Variants in REC114 observed in about 807,000 individuals in gnomAD.
The protein encoded by REC114 is meiotic recombination protein REC114.
A neutral mutation model predicts 31.3 loss-of-function variants in REC114; 27 were observed. The observed-to-expected ratio is 0.86, with a 90% CI of 0.64 to 1.19. The LOEUF (loss-of-function observed/expected upper bound fraction) is 1.19, where lower values mean the gene tolerates loss of function less well. REC114 is among the 50% of genes most tolerant of loss of function. The pLI, the probability that REC114 is intolerant of heterozygous loss-of-function variation, is 0.00. For synonymous variants in REC114, 134 were observed against 127.7 expected (o/e 1.05, Z -0.33); for missense variants, 344 against 326.9 (o/e 1.05, Z -0.40).
intron 1 of REC114, among the ~76,000 whole-genome samples, chr15:73,472,577 G>C (rs1893146455): frequency 6.6e-6 from 1 of 151,930 alleles, no homozygotes; most frequent in Admixed American, 6.6e-5. Flanking sequence ...TTGAACTTTG[G>C]GCATTAAGAT....
chr15:73,553,908 C>T (rs538107940), intron 4 of REC114, among the ~76,000 whole-genome samples: 1 of 152,158 alleles, frequency 6.6e-6, no homozygotes, highest in Admixed American at 6.5e-5. Context: ...AGAATCCTGG[C>T]CCTATTTCTT....
intron 1 of REC114, among the ~76,000 whole-genome samples, chr15:73,451,787 G>A (rs1413296619): frequency 3.9e-5 from 6 of 152,122 alleles, no homozygotes; most frequent in African/African-American, 9.7e-5. Context: ...TATCCACCAC[G>A]ATCAAGTCAG....
intron 2 of REC114, among the ~76,000 whole-genome samples, chr15:73,502,784 C>G (rs571420852): frequency 1.3e-5 from 2 of 152,240 alleles, no homozygotes; most frequent in East Asian, 3.9e-4. Flanking sequence ...TTGTTCAGAG[C>G]ATAAATATTT....
rs146565046 is a variant in REC114, at chr15:73,468,070, A to C, written c.160-5762A>C. ...AGGTTCACCTGGATAATTCAGGGCT[A>C]TCCCTCCAGCTCAAGATATTTTAAC... is the stretch of plus-strand genomic sequence containing the variant. On this transcript the variant is annotated intron_variant, in intron 1 of 5. Transcript: ENST00000331090. Among the ~76,000 whole-genome samples the C allele has an allele frequency of 2.6e-5, 4 of 152,322 alleles. No homozygotes were observed. The East Asian group carries it at 7.7e-4, about 29-fold the overall frequency.
intron 2 of REC114, among the ~76,000 whole-genome samples, chr15:73,520,705 A>G (rs530348190): frequency 2.0e-5 from 3 of 152,128 alleles, no homozygotes; most frequent in Non-Finnish European, 4.4e-5. Context: ...ATAGATTTGT[A>G]TGATTAACCT....
intron 2 of REC114, among the ~76,000 whole-genome samples, chr15:73,487,203 CT>C (rs948641676): frequency 6.6e-6 from 1 of 152,104 alleles, no homozygotes; most frequent in African/African-American, 2.4e-5. Context: ...AATTCCACCC[CT>C]GTTCCCAAAA....
chr15:73,466,237 TAAGTG>T (rs1343593860), intron 1 of REC114, among the ~76,000 whole-genome samples: 2 of 152,134 alleles, frequency 1.3e-5, no homozygotes, highest in African/African-American at 2.4e-5. Flanking sequence ...CATTAACTAA[TAAGTG>T]AAGTTTTTTT....
At chr15:73,458,601 T>C (rs536604089) in intron 1 of REC114, among the ~76,000 whole-genome samples, 49 of 152,330 alleles carry the variant, frequency 3.2e-4, no homozygotes, top group African/African-American at 1.1e-3. Flanking sequence ...TGTGGCACTA[T>C]AGTGATAGGT....
intron 1 of REC114, among the ~76,000 whole-genome samples, chr15:73,451,332 A>G (rs936736833): frequency 1.2e-4 from 19 of 152,374 alleles, no homozygotes; most frequent in African/African-American, 4.1e-4. Flanking sequence ...GCAAACTGCC[A>G]TCAGAGAATA....
intron 2 of REC114, among the ~76,000 whole-genome samples, chr15:73,492,293 A>G (rs757264222): frequency 2.6e-5 from 4 of 152,090 alleles, no homozygotes; most frequent in Non-Finnish European, 4.4e-5. Context: ...TTTGCTCATC[A>G]TTATATTTAT....
chr15:73,487,668 C>T (rs1450439688), intron 2 of REC114, among the ~76,000 whole-genome samples: 5 of 152,232 alleles, frequency 3.3e-5, no homozygotes, highest in African/African-American at 9.6e-5. Flanking sequence ...AGTTCTCATG[C>T]GTTGGAGTTG....
intron 2 of REC114, among the ~76,000 whole-genome samples, chr15:73,505,274 G>A (rs1344557478): frequency 2.0e-5 from 3 of 152,032 alleles, no homozygotes; most frequent in African/African-American, 4.8e-5. Context: ...TTGACATTTG[G>A]TCAGTGTAAA....
At chr15:73,463,954 C>A (rs1893023441) in intron 1 of REC114, among the ~76,000 whole-genome samples, 1 of 152,148 alleles carries the variant, frequency 6.6e-6, no homozygotes, top group Non-Finnish European at 1.5e-5. Flanking sequence ...TTTTTTAAAA[C>A]CCCCATCCCC....
At chr15:73,543,730 T>G (rs1041448885) in intron 3 of REC114, among the ~76,000 whole-genome samples, 1 of 152,128 alleles carries the variant, frequency 6.6e-6, no homozygotes, top group African/African-American at 2.4e-5. Context: ...TTTTATTAAC[T>G]GTTTTTTAAT....
chr15:73,501,305 G>C (rs1002983439), intron 2 of REC114, among the ~76,000 whole-genome samples: 12 of 152,146 alleles, frequency 7.9e-5, no homozygotes, highest in African/African-American at 2.9e-4. Flanking sequence ...CACAATTTAA[G>C]GCAAGGTGCA....
chr15:73,499,888 A>G (rs1031839599), intron 2 of REC114, among the ~76,000 whole-genome samples: 1 of 152,164 alleles, frequency 6.6e-6, no homozygotes, highest in Non-Finnish European at 1.5e-5. Context: ...GCTCCTATCC[A>G]TGCTTTAAGA....
At chr15:73,548,227 G>A (rs1405651431) in intron 3 of REC114, among the ~76,000 whole-genome samples, 1 of 152,022 alleles carries the variant, frequency 6.6e-6, no homozygotes, top group South Asian at 2.1e-4. Context: ...TTCTGCCTCC[G>A]CCTCCCGAAT....
intron 2 of REC114, among the ~76,000 whole-genome samples, chr15:73,509,748 T>G (rs1231030521): frequency 6.7e-6 from 1 of 149,330 alleles, no homozygotes; most frequent in Non-Finnish European, 1.5e-5. Context: ...GATCAGATAG[T>G]TGTAGGTATG....
At chr15:73,475,700 T>C (rs887497585) in intron 2 of REC114, among the ~76,000 whole-genome samples, 5 of 152,190 alleles carry the variant, frequency 3.3e-5, no homozygotes, top group African/African-American at 1.2e-4. Flanking sequence ...AAAATAAATT[T>C]ATTTATAAAA....
Sources: gnomAD v4.1 joint callset for allele counts (sites outside exome capture counted in the v4.1 genomes callset) on GRCh38, gnomAD v4.1.1 for gene constraint, MANE v1.5 for transcripts, NCBI Gene and HGNC (gene_info 2026-07-23, HGNC 2026-07-21) for gene names.